CEP112: variants seen among roughly 807,000 people sequenced by gnomAD.
CEP112 encodes centrosomal protein 112.
In CEP112, 127 loss-of-function variants were observed where a neutral mutation model predicts 153.0. That is an observed-to-expected ratio of 0.83 (90% confidence interval 0.72 to 0.96). CEP112 has a LOEUF of 0.96. Among genes scored for constraint, CEP112 ranks in the 40% least tolerant of loss-of-function variants. The probability of loss-of-function intolerance (pLI) is 0.00; values close to 1 mark genes in which losing one functional copy is unlikely to be tolerated. For missense variants in CEP112, 1,089 were observed against 1,101.2 expected, an observed-to-expected ratio of 0.99 and a Z score of 0.16; for synonymous variants, 358 against 374.4, an observed-to-expected ratio of 0.96 and a Z score of 0.51.
intron 6 of CEP112, among the ~76,000 whole-genome samples, chr17:66,099,950 T>C (rs1452743463): frequency 6.6e-6 from 1 of 151,998 alleles, no homozygotes; most frequent in Non-Finnish European, 1.5e-5. Context: ...CCACCACCAC[T>C]AGGACAACAG....
intron 24 of CEP112, chr17:65,655,310 T>C: frequency 6.5e-7 from 1 of 1,533,612 alleles, no homozygotes; most frequent in Non-Finnish European, 9.0e-7. Flanking sequence ...CCTCAGACAC[T>C]ACAGCTGGAT....
chr17:65,862,361 A>C (rs932733376), intron 20 of CEP112, among the ~76,000 whole-genome samples: 1 of 152,064 alleles, frequency 6.6e-6, no homozygotes, highest in African/African-American at 2.4e-5. Context: ...GGCCAAGGCG[A>C]GTGGATCACG....
chr17:65,976,842 G>A (rs1294040384), intron 17 of CEP112, among the ~76,000 whole-genome samples: 3 of 149,526 alleles, frequency 2.0e-5, no homozygotes, highest in Admixed American at 6.8e-5. Flanking sequence ...AGGTTCAAGC[G>A]ATTTTCGTGC....
At chr17:65,876,188 C>T (rs139053324) in intron 20 of CEP112, among the ~76,000 whole-genome samples, 6 of 152,266 alleles carry the variant, frequency 3.9e-5, no homozygotes, top group African/African-American at 1.2e-4. Context: ...CACTGTTCAA[C>T]GAATCTTCTG....
chr17:66,128,907 G>T (rs1367947621), intron 6 of CEP112, among the ~76,000 whole-genome samples: 10 of 151,988 alleles, frequency 6.6e-5, no homozygotes, highest in Non-Finnish European at 1.5e-4. Flanking sequence ...AAAAAAGGGA[G>T]GAAAAGATAT....
chr17:65,821,712 C>A lies in CEP112; in HGVS notation c.2394+30092G>T. ...GATTACAGGCATGTGCCACCACACC[C>A]GGCTAATTTTTGCATTTTTAGTAGA... On this transcript the variant is annotated intron_variant, in intron 21 of 26. Coordinates refer to ENST00000535342, the MANE Select transcript of CEP112 (RefSeq NM_001199165.4). 3.3e-5 allele frequency among the ~76,000 whole-genome samples: 5 copies of A among 150,536 alleles called. No homozygotes were observed. In the East Asian group the frequency reaches 7.9e-4, roughly 24 times the overall value.
chr17:65,677,022 G>C (rs1363129307), intron 24 of CEP112, among the ~76,000 whole-genome samples: 3 of 152,146 alleles, frequency 2.0e-5, no homozygotes, highest in Non-Finnish European at 4.4e-5. Context: ...CAACATGGCT[G>C]CTACCTAACT....
chr17:66,142,728 T>C (rs2070759543), intron 4 of CEP112, among the ~76,000 whole-genome samples: 2 of 152,192 alleles, frequency 1.3e-5, no homozygotes, highest in Non-Finnish European at 2.9e-5. Flanking sequence ...TTTACGCCAG[T>C]ATCATACTGT....
intron 21 of CEP112, among the ~76,000 whole-genome samples, chr17:65,784,266 A>T (rs1448749440): frequency 6.6e-6 from 1 of 152,234 alleles, no homozygotes; most frequent in Non-Finnish European, 1.5e-5. Flanking sequence ...TGGAAACAAG[A>T]TATAACAGAA....
At chr17:65,812,979 A>C (rs75299518) in intron 21 of CEP112, among the ~76,000 whole-genome samples, 2 of 152,376 alleles carry the variant, frequency 1.3e-5, no homozygotes, top group Non-Finnish European at 2.9e-5. Context: ...ATACAGAAGT[A>C]AAAATCTACA....
chr17:65,694,430 A>C (rs922157444), intron 23 of CEP112, among the ~76,000 whole-genome samples: 4 of 152,240 alleles, frequency 2.6e-5, no homozygotes, highest in Non-Finnish European at 5.9e-5. Context: ...TTTTATCAGT[A>C]TTATTAAAAT....
chr17:65,687,657 A>G (rs232120), intron 24 of CEP112, among the ~76,000 whole-genome samples: 71,038 of 151,532 alleles, frequency 0.47, 16,851 homozygotes, highest in Middle Eastern at 0.55. Flanking sequence ...AATTATAGGA[A>G]GGCAAGTCAA....
intron 19 of CEP112, chr17:65,913,560 T>C: frequency 1.1e-5 from 11 of 985,200 alleles, no homozygotes; most frequent in Non-Finnish European, 1.3e-5. Context: ...GGCTCCCAGA[T>C]TAGATGTTTG....
At chr17:65,643,192 G>A (rs1383318249) in intron 24 of CEP112, among the ~76,000 whole-genome samples, 1 of 152,230 alleles carries the variant, frequency 6.6e-6, no homozygotes, top group Non-Finnish European at 1.5e-5. Flanking sequence ...TCATAGGTGA[G>A]CTTGATCTCA....
At chr17:66,181,189 A>G (rs983905138) in intron 2 of CEP112, among the ~76,000 whole-genome samples, 5 of 152,350 alleles carry the variant, frequency 3.3e-5, no homozygotes, top group Non-Finnish European at 7.3e-5. Flanking sequence ...GAATTTAGCA[A>G]TAAGATGTAA....
intron 23 of CEP112, among the ~76,000 whole-genome samples, chr17:65,710,935 C>T (rs758042029): frequency 1.3e-5 from 2 of 152,182 alleles, no homozygotes; most frequent in Non-Finnish European, 2.9e-5. Flanking sequence ...CTAATTAATT[C>T]CTGTGGAGAC....
chr17:66,140,224 A>T (rs371945743), intron 4 of CEP112, among the ~76,000 whole-genome samples: 133 of 149,898 alleles, frequency 8.9e-4, no homozygotes, highest in African/African-American at 3.2e-3. Context: ...GAAATTCAAT[A>T]TTTTTTTATG....
intron 23 of CEP112, among the ~76,000 whole-genome samples, chr17:65,710,723 G>A (rs371601158): frequency 1.3e-5 from 2 of 152,166 alleles, no homozygotes; most frequent in Non-Finnish European, 2.9e-5. Context: ...GTTAAGGCTC[G>A]TGGCAGGCTG....
intron 6 of CEP112, among the ~76,000 whole-genome samples, chr17:66,105,117 A>G (rs113821277): frequency 7.2e-5 from 11 of 152,344 alleles, no homozygotes; most frequent in African/African-American, 2.6e-4. Context: ...TAAGATAGAA[A>G]CAACAAAAAG....
Sources: gnomAD v4.1 joint callset for allele counts (sites outside exome capture counted in the v4.1 genomes callset) on GRCh38, gnomAD v4.1.1 for gene constraint, MANE v1.5 for transcripts, NCBI Gene and HGNC (gene_info 2026-07-23, HGNC 2026-07-21) for gene names.